Variants in KAZN observed in about 807,000 individuals in gnomAD.
KAZN encodes kazrin.
Under a neutral mutation model 87.4 loss-of-function variants are expected in KAZN, and 40 were observed. The ratio of observed to expected loss-of-function variants is 0.46; its 90% CI spans 0.36 to 0.60. The LOEUF (loss-of-function observed/expected upper bound fraction) is 0.60. KAZN is among the 20% of genes least tolerant of loss of function. KAZN has a pLI of 0.00. For missense variants in KAZN, 898 were observed against 1,073.9 expected (o/e 0.84, Z 2.29); for synonymous variants, 466 against 458.3 (o/e 1.02, Z -0.22).
At chr1:14,633,894 A>T (rs1022263468) in intron 1 of KAZN, among the ~76,000 whole-genome samples, 1 of 152,022 alleles carries the variant, frequency 6.6e-6, no homozygotes, top group Non-Finnish European at 1.5e-5. Flanking sequence ...CTATATATAT[A>T]TATTTATTTA....
intron 2 of KAZN, among the ~76,000 whole-genome samples, chr1:14,545,996 G>C (rs1347717804): frequency 6.6e-6 from 1 of 152,028 alleles, no homozygotes; most frequent in Non-Finnish European, 1.5e-5. Context: ...GAAATATTTG[G>C]TGAATAAGAT....
intron 2 of KAZN, among the ~76,000 whole-genome samples, chr1:14,444,280 C>A (rs920846683): frequency 6.7e-6 from 1 of 150,322 alleles, no homozygotes; most frequent in East Asian, 2.0e-4. Flanking sequence ...CCAACTCGCT[C>A]ATCTCCAAAA....
chr1:14,869,573 C>A (rs896526907), intron 1 of KAZN, among the ~76,000 whole-genome samples: 2 of 152,204 alleles, frequency 1.3e-5, no homozygotes, highest in African/African-American at 4.8e-5. Flanking sequence ...GTCACAGCCC[C>A]TGGGCTCTTT....
intron 2 of KAZN, among the ~76,000 whole-genome samples, chr1:14,465,585 A>G (rs979874240): frequency 4.6e-5 from 7 of 152,028 alleles, no homozygotes; most frequent in Non-Finnish European, 1.0e-4. Flanking sequence ...CCCAGGCCCA[A>G]ATCACAAAGC....
rs113930709 is a variant in KAZN, at chr1:15,081,652, A to T, written c.1223-12528A>T. Among the ~76,000 whole-genome samples, 22 of 152,292 alleles carry T rather than the reference A, an allele frequency of 1.4e-4. No individual in the cohort carries two copies. The highest frequency in any genetic ancestry group is 2.4e-4 in the Non-Finnish European group (16 of 68,032). ...GAAAGGAGTCCCTGAAATAATCAGT[A>T]TTGAAACAGAGCCCTGAGCCTGTGT... On this transcript the variant is annotated intron_variant, in intron 8 of 14. Transcript: ENST00000376030. This position sits in a 1 kb window ranked among gnomAD's most constrained non-coding sequence, Gnocchi z 4.1.
At chr1:14,887,632 G>T (rs1482997470) in intron 1 of KAZN, among the ~76,000 whole-genome samples, 1 of 150,782 alleles carries the variant, frequency 6.6e-6, no homozygotes, top group African/African-American at 2.4e-5. Context: ...ACCACGAGGA[G>T]CCCCAGTTTG....
intron 2 of KAZN, among the ~76,000 whole-genome samples, chr1:15,023,577 TG>T (rs1269195610): frequency 4.0e-5 from 6 of 151,768 alleles, no homozygotes; most frequent in Non-Finnish European, 7.4e-5. Context: ...AGACAGATCT[TG>T]GGGGGGTCCT....
At chr1:14,185,803 T>G (rs962715658) in intron 2 of KAZN, among the ~76,000 whole-genome samples, 3 of 152,206 alleles carry the variant, frequency 2.0e-5, no homozygotes, top group Non-Finnish European at 4.4e-5. Context: ...ACTCTTGTTC[T>G]GTTAAGCTTG....
At chr1:14,921,040 A>G (rs981665499) in intron 1 of KAZN, among the ~76,000 whole-genome samples, 5 of 152,112 alleles carry the variant, frequency 3.3e-5, no homozygotes, top group Non-Finnish European at 7.4e-5. Flanking sequence ...AGTTGAGAGC[A>G]GGGAGAGTGA....
At chr1:14,165,714 CCTT>C (rs1645810761) in intron 1 of KAZN, among the ~76,000 whole-genome samples, 1 of 152,188 alleles carries the variant, frequency 6.6e-6, no homozygotes, top group African/African-American at 2.4e-5. Flanking sequence ...TTCTTGTCCT[CCTT>C]CTCACCCCTG....
intron 1 of KAZN, among the ~76,000 whole-genome samples, chr1:13,992,589 T>G (rs1639335366): frequency 6.6e-6 from 1 of 152,134 alleles, no homozygotes; most frequent in African/African-American, 2.4e-5. Flanking sequence ...GCCCTGAGAT[T>G]AAAGGCTTGC....
chr1:15,109,791 G>A (rs199632352), intron 13 of KAZN, among the ~76,000 whole-genome samples: 33 of 27,906 alleles, frequency 1.2e-3, no homozygotes, highest in African/African-American at 5.3e-3. Context: ...ATGTGTTTGT[G>A]TGTATGTGTA....
intron 1 of KAZN, among the ~76,000 whole-genome samples, chr1:14,763,116 G>A (rs1287974658): frequency 6.6e-6 from 1 of 152,196 alleles, no homozygotes; most frequent in Non-Finnish European, 1.5e-5. Flanking sequence ...AAAGTGAGAG[G>A]TATGGTGTGG....
intron 1 of KAZN, among the ~76,000 whole-genome samples, chr1:14,177,339 A>G (rs916160343): frequency 2.0e-5 from 3 of 152,188 alleles, no homozygotes; most frequent in African/African-American, 7.2e-5. Flanking sequence ...CTACTCAAAC[A>G]TTTCCCTTTG....
intron 1 of KAZN, among the ~76,000 whole-genome samples, chr1:14,700,158 T>A (rs1641842654): frequency 6.6e-6 from 1 of 152,126 alleles, no homozygotes; most frequent in South Asian, 2.1e-4. Flanking sequence ...AAACCCGAAA[T>A]GGCAATGCCT....
At chr1:14,924,124 A>T in intron 1 of KAZN, 1 of 981,072 alleles carries the variant, frequency 1.0e-6, no homozygotes, top group South Asian at 4.6e-5. Flanking sequence ...GAGCCGCGGG[A>T]CTGAGAGCCG....
rs903810142 is a variant in KAZN at position 14,923,771 on chromosome 1, T to C, written c.227-36913T>C. ...GCCCACTCCTTCTGACCTCTCCCGG[T>C]CAGCTGTGGGGACCTCGGCTCTCGG... On this transcript the variant is annotated intron_variant, in intron 1 of 14. Transcript: ENST00000376030. The surrounding 1 kb of genome is among the most constrained non-coding windows in gnomAD (Gnocchi z 4.2). Among the ~76,000 whole-genome samples the C allele has an allele frequency of 2.0e-5, 3 of 152,170 alleles. No homozygotes were observed. The highest frequency in any genetic ancestry group is 4.4e-5 in the Non-Finnish European group (3 of 67,996).
chr1:14,069,392 C>T (rs1643153513), intron 1 of KAZN, among the ~76,000 whole-genome samples: 1 of 152,162 alleles, frequency 6.6e-6, no homozygotes, highest in African/African-American at 2.4e-5. Flanking sequence ...AGAGTGAAGG[C>T]CTTGTAAGCT....
At chr1:15,086,171 A>G (rs1344436427) in intron 8 of KAZN, among the ~76,000 whole-genome samples, 2 of 152,136 alleles carry the variant, frequency 1.3e-5, no homozygotes, top group Admixed American at 6.5e-5. Context: ...GGGTTTCACC[A>G]TGTTGGCCAG....
Sources: allele counts gnomAD v4.1 joint callset (sites outside exome capture counted in the v4.1 genomes callset), GRCh38; gene constraint gnomAD v4.1.1; non-coding constraint Gnocchi (gnomAD v3.1); transcripts MANE v1.5; gene names NCBI Gene and HGNC (gene_info 2026-07-23, HGNC 2026-07-21).